The following GGA3 variants were observed in gnomAD, a reference collection of about 807,000 sequenced individuals.
The protein encoded by GGA3 is golgi associated, gamma adaptin ear containing, ARF binding protein 3.
GGA3 carries 57 observed loss-of-function variants against 77.5 expected under a neutral mutation model. The observed-to-expected ratio is 0.74, with a 90% CI of 0.59 to 0.92. The LOEUF (loss-of-function observed/expected upper bound fraction) is 0.92. Among genes scored for constraint, GGA3 ranks in the 40% least tolerant of loss-of-function variants. The probability of loss-of-function intolerance (pLI) is 0.00; values close to 1 mark genes in which losing one functional copy is unlikely to be tolerated. For synonymous variants in GGA3, 416 were observed against 383.7 expected, an observed-to-expected ratio of 1.08 and a Z score of -0.98; for missense variants, 970 against 914.9, an observed-to-expected ratio of 1.06 and a Z score of -0.78.
intron 1 of GGA3, among the ~76,000 whole-genome samples, chr17:75,258,082 A>C (rs1022143939): frequency 6.6e-5 from 10 of 152,118 alleles, no homozygotes; most frequent in Non-Finnish European, 1.5e-4. Context: ...TTGAGAATGT[A>C]CTTTGTGAGA....
At position 75,243,589 on chromosome 17, in the gene GGA3, TGAG is replaced by T. The variant is rs1391924406; in HGVS notation, c.301-22_301-20del. The T allele has an allele frequency of 6.2e-6, 10 of 1,613,108 alleles. No individual in the cohort carries two copies. The African/African-American group carries it at 1.2e-4, about 19-fold the overall frequency. On this transcript the variant is annotated intron_variant, in intron 4 of 16. Transcript: ENST00000537686. ...CCAGGTACTACATGGCAAAAGAAAA[TGAG>T]GACCTAGTAAGTGCAGTTCGGAGGC...
At chr17:75,259,804 T>A (rs2077284576) in intron 1 of GGA3, among the ~76,000 whole-genome samples, 1 of 152,168 alleles carries the variant, frequency 6.6e-6, no homozygotes, top group African/African-American at 2.4e-5. Flanking sequence ...AGCTTATGTC[T>A]CTACAGATAC....
intron 14 of GGA3, 45 bp from the exon 15 acceptor site, chr17:75,239,128 A>C (rs2076429806): frequency 1.3e-6 from 2 of 1,569,494 alleles, no homozygotes; most frequent in Non-Finnish European, 8.7e-7. Flanking sequence ...CACCAGAGAC[A>C]CCCAACAGAG....
rs542656745 is a variant in GGA3, at chr17:75,251,490, G to A, written c.41-4694C>T. Among the ~76,000 whole-genome samples the A allele has an allele frequency of 3.9e-5, 6 of 151,996 alleles. No individual in the cohort carries two copies. In the South Asian group the frequency reaches 8.3e-4, roughly 21 times the overall value. ...TGAGAGGCTGAGGTGGGTGGATCGCGAGGTCAGGAGTTCAAGACCAGCCTG... is the reference window on the plus strand; with the variant it reads ...TGAGAGGCTGAGGTGGGTGGATCGCAAGGTCAGGAGTTCAAGACCAGCCTG... On this transcript the variant is annotated intron_variant, in intron 1 of 16. Coordinates refer to ENST00000537686, the MANE Select transcript of GGA3 (RefSeq NM_138619.4).
chr17:75,259,627 TGAG>T (rs2077276656), intron 1 of GGA3, among the ~76,000 whole-genome samples: 1 of 152,050 alleles, frequency 6.6e-6, no homozygotes, highest in African/African-American at 2.4e-5. Context: ...CAGAATGGAC[TGAG>T]GAGAGGTGAG....
rs766096783 is a variant in GGA3 at position 75,238,924 on chromosome 17, G to A, written c.1940C>T (p.Ala647Val). 1.9e-6 allele frequency: 3 copies of A among 1,613,944 alleles called. No individual in the cohort carries two copies. Among genetic ancestry groups the A allele is most frequent in the Non-Finnish European group, 1.7e-6 (2 of 1,179,918 alleles). ...GGGAGACACTGGTACCTTGGGCACTGCAGCCTGCAGCACGATGCTCTTGAC... is the reference window on the plus strand; with the variant it reads ...GGGAGACACTGGTACCTTGGGCACTACAGCCTGCAGCACGATGCTCTTGAC... ...LPVKSIVLQA[A>V]VPKSMKVKLQ... The change falls in exon 15 of 17, where the codon GCA becomes GTA. Residue 647 changes from alanine (A) to valine (V), a missense_variant. Ala to Val is a moderately conservative substitution (Grantham distance 64). Coordinates refer to ENST00000537686, the MANE Select transcript of GGA3 (RefSeq NM_138619.4).
chr17:75,238,770 G>A lies in GGA3; in HGVS notation c.1951-8C>T. The A allele has an allele frequency of 6.2e-7, 1 of 1,606,004 alleles. No homozygotes were observed. Among genetic ancestry groups the A allele is most frequent in the East Asian group, 2.2e-5 (1 of 44,852 alleles). ...CAACTTCACTTTCATTGACTAAAGAGAGAGAAACTCCTTTGAAGAGAACTG... is the reference window on the plus strand; with the variant it reads ...CAACTTCACTTTCATTGACTAAAGAAAGAGAAACTCCTTTGAAGAGAACTG... On this transcript the variant is annotated splice_region_variant and splice_polypyrimidine_tract_variant and intron_variant, in intron 15 of 16. Coordinates refer to ENST00000537686, the MANE Select transcript of GGA3 (RefSeq NM_138619.4).
intron 1 of GGA3, among the ~76,000 whole-genome samples, chr17:75,255,413 A>C (rs2077111426): frequency 6.6e-6 from 1 of 151,784 alleles, no homozygotes; most frequent in African/African-American, 2.4e-5. Context: ...GCCCTTTCCA[A>C]TCCAAAGCCT....
chr17:75,259,631 G>A (rs541244425), intron 1 of GGA3, among the ~76,000 whole-genome samples: 31 of 152,298 alleles, frequency 2.0e-4, no homozygotes, highest in African/African-American at 6.5e-4. Context: ...ATGGACTGAG[G>A]AGAGGTGAGG....
chr17:75,262,132 A>G (rs560636718), upstream of GGA3: 19 of 953,300 alleles, frequency 2.0e-5, no homozygotes, highest in Admixed American at 1.6e-4. Context: ...CCCTGCGCCA[A>G]TCCGAAGGTT....
chr17:75,248,037 C>T (rs1315601432), intron 1 of GGA3, among the ~76,000 whole-genome samples: 1 of 152,140 alleles, frequency 6.6e-6, no homozygotes, highest in East Asian at 1.9e-4. Flanking sequence ...AGACGCACAC[C>T]CCTTAAAACA....
chr17:75,240,299 G>T, intron 12 of GGA3, 43 bp downstream of exon 12: 1 of 1,377,980 alleles, frequency 7.3e-7, no homozygotes, highest in Non-Finnish European at 1.0e-6. Context: ...GGAAAGTGGA[G>T]GTCCTTGGCA....
chr17:75,258,195 C>A (rs2077222222), intron 1 of GGA3, among the ~76,000 whole-genome samples: 1 of 152,224 alleles, frequency 6.6e-6, no homozygotes. Flanking sequence ...TCTTTTCGGA[C>A]TCAGCCTGCC....
intron 1 of GGA3, among the ~76,000 whole-genome samples, chr17:75,258,568 G>A (rs2077235026): frequency 6.6e-6 from 1 of 152,218 alleles, no homozygotes; most frequent in African/African-American, 2.4e-5. Flanking sequence ...TACTTGGGAG[G>A]CTGAGGATGG....
rs976623193 is a variant in GGA3 at position 75,242,361 on chromosome 17, G to A, written c.722C>T (p.Ser241Leu). The A allele has an allele frequency of 1.2e-5, 19 of 1,614,056 alleles. No homozygotes were observed. Among genetic ancestry groups the A allele is most frequent in the Non-Finnish European group, 1.5e-5 (18 of 1,180,016 alleles). ...MLLHYSQEDS[S>L]DGDRELMKEL... is the part of the protein sequence containing the mutation. ...CTTCATCAGCTCTCTGTCCCCGTCC[G>A]AAGAGTCCTCCTGGCTGTAATGAAG... Residue 241 changes from serine (S) to leucine (L), a missense_variant, in exon 8 of 17, where the codon TCG (serine) becomes TTG (leucine). By Grantham distance (145) the Ser-to-Leu change is moderately radical. Transcript: ENST00000537686.
chr17:75,238,687 T>C lies in GGA3; in HGVS notation c.2026A>G (p.Ile676Val), dbSNP rs1460950015. ...TTGGCCAGCAACATGACCTGGGTGA[T>C]GGCTGCAGGTGGCTGGATGGGGCTA... ...PFSPIQPPAA[I>V]TQVMLLANPL... Residue 676 changes from isoleucine to valine, a missense_variant, in exon 16 of 17, where the codon ATC becomes GTC. Coordinates refer to ENST00000537686, the MANE Select transcript of GGA3 (RefSeq NM_138619.4). 1.2e-6 allele frequency: 2 copies of C among 1,613,938 alleles called. No individual in the cohort carries two copies. Among genetic ancestry groups the C allele is most frequent in the Non-Finnish European group, 1.7e-6 (2 of 1,179,850 alleles).
chr17:75,238,455 G>T, intron 16 of GGA3, 66 bp from the exon 17 acceptor site: 2 of 1,358,218 alleles, frequency 1.5e-6, no homozygotes, highest in South Asian at 1.2e-5. Flanking sequence ...CCTCTATTCT[G>T]CTACCCTCTC....
At position 75,249,042 on chromosome 17, in the gene GGA3, T is replaced by C. The variant is rs905801558; in HGVS notation, c.41-2246A>G. Reference sequence around the variant, plus strand: ...GGAAGATTCTGATGGTTTAGGTTCATATTTATTTATTTATTTATTTTGAGA... The same window carrying C: ...GGAAGATTCTGATGGTTTAGGTTCACATTTATTTATTTATTTATTTTGAGA... On this transcript the variant is annotated intron_variant, in intron 1 of 16. Coordinates refer to ENST00000537686, the MANE Select transcript of GGA3 (RefSeq NM_138619.4). 18 of 925,782 alleles carry C rather than the reference T, an allele frequency of 1.9e-5. No homozygotes were observed. The Admixed American group carries it at 5.6e-4, about 29-fold the overall frequency. 57.3% of individuals were successfully genotyped at this position (925,782 alleles called of 1,614,324 possible).
At chr17:75,250,574 T>C (rs1240595734) in intron 1 of GGA3, among the ~76,000 whole-genome samples, 1 of 149,998 alleles carries the variant, frequency 6.7e-6, no homozygotes, top group Non-Finnish European at 1.5e-5. Flanking sequence ...ACCAGCCTGT[T>C]CAACATGGTG....
Sources: gnomAD v4.1 joint callset for allele counts (sites outside exome capture counted in the v4.1 genomes callset) on GRCh38, gnomAD v4.1.1 for gene constraint, MANE v1.5 for transcripts, NCBI Gene and HGNC (gene_info 2026-07-23, HGNC 2026-07-21) for gene names.